Variants in TUBD1 observed in about 807,000 individuals in gnomAD.
TUBD1 encodes the protein tubulin delta 1, also known as tubulin delta chain.
A neutral mutation model predicts 51.2 loss-of-function variants in TUBD1; 38 were observed. That is an observed-to-expected ratio of 0.74 (90% confidence interval 0.57 to 0.97). The LOEUF (loss-of-function observed/expected upper bound fraction) is 0.97, where lower values mean the gene tolerates loss of function less well. TUBD1 is among the 50% of genes least tolerant of loss of function. The pLI, the probability that TUBD1 is intolerant of heterozygous loss-of-function variation, is 0.00. For synonymous variants in TUBD1, 169 were observed against 178.2 expected (o/e 0.95, Z 0.41); for missense variants, 489 against 538.4 (o/e 0.91, Z 0.91).
intron 7 of TUBD1, 148 bp downstream of exon 7, chr17:59,866,461 A>T: frequency 2.3e-6 from 2 of 873,128 alleles, no homozygotes; most frequent in Non-Finnish European, 3.5e-6. Context: ...TCACATACTA[A>T]CTGATGCCAT....
In TUBD1 at chr17:59,877,323, C is replaced by G. The variant is rs568523830; in HGVS notation, c.769+780G>C. Among the ~76,000 whole-genome samples the G allele has an allele frequency of 7.9e-5, 12 of 152,350 alleles. No individual in the cohort carries two copies. The South Asian group carries it at 2.5e-3, about 32-fold the overall frequency. On this transcript the variant is annotated intron_variant, in intron 5 of 8. Transcript: ENST00000325752. Reference sequence around the variant, plus strand: ...GGAAAGTCATGCCACATGGCAGACTCGGACCTCTTTGAATTCCCAATCACC... The same window carrying G: ...GGAAAGTCATGCCACATGGCAGACTGGGACCTCTTTGAATTCCCAATCACC...
rs530315478 is a variant in TUBD1, at chr17:59,870,372, CAAAAAAAAAAAAAAAAAA to C, written c.935-3641_935-3624del. Among the ~76,000 whole-genome samples, 258 of 77,988 alleles carry C rather than the reference CAAAAAAAAAAAAAAAAAA, an allele frequency of 3.3e-3. 1 individual carries two copies. Among genetic ancestry groups the C allele is most frequent in the Non-Finnish European group, 5.2e-3 (202 of 39,100 alleles). The allele number at this position is 77,988 out of a possible 152,430, so 51.2% of individuals were successfully genotyped here. On this transcript the variant is annotated intron_variant, in intron 6 of 8. Coordinates refer to ENST00000325752, the MANE Select transcript of TUBD1 (RefSeq NM_016261.4). ...GGCGACAGAGTGTGACTCCATCTCA[CAAAAAAAAAAAAAAAAAA>C]AAAAAAAAAAAAAAAAATCAAAGTG...
At chr17:59,891,792 CT>C (rs1215953455) in intron 1 of TUBD1, 1 of 151,928 alleles carries the variant, frequency 6.6e-6, no homozygotes, top group African/African-American at 2.4e-5. Flanking sequence ...TGGCAAAACC[CT>C]GTTTGTACAA....
Position 59,886,214 on chromosome 17 carries a change from A to G in TUBD1, c.189T>C (p.Ala63=). Reference sequence around the variant, plus strand: ...CTTTGGGTTCCATGTCAACAAGAACAGCCCGGGCAATTGGAACTAGAGGGG... The same window carrying G: ...CTTTGGGTTCCATGTCAACAAGAACGGCCCGGGCAATTGGAACTAGAGGGG... ...EEENGVPIAR[A]VLVDMEPKVI... Residue 63 remains alanine, a synonymous_variant, in exon 3 of 9, where the codon GCT becomes GCC. Coordinates refer to ENST00000325752, the MANE Select transcript of TUBD1 (RefSeq NM_016261.4). 1.2e-6 allele frequency: 2 copies of G among 1,612,322 alleles called. No homozygotes were observed. The highest frequency in any genetic ancestry group is 8.5e-7 in the Non-Finnish European group (1 of 1,179,566).
At position 59,885,626 on chromosome 17, in the gene TUBD1, T is replaced by A. The variant is rs913647139; in HGVS notation, c.320+457A>T. The stretch of plus-strand genomic sequence containing the variant: ...TCCTAGAAATTTAACCTTAATGAAA[T>A]CCCTAATAAAACTCAGTGCTGTGGT... On this transcript the variant is annotated intron_variant, in intron 3 of 8. Transcript: ENST00000325752. 44 of 820,744 alleles carry A rather than the reference T, an allele frequency of 5.4e-5. No homozygotes were observed. The Middle Eastern group carries it at 1.1e-3, about 21-fold the overall frequency. 50.8% of individuals were successfully genotyped at this position (820,744 alleles called of 1,614,324 possible). A position where few individuals can be genotyped will look rare whatever the true frequency, so the allele number is the denominator to read the frequency against.
intron 8 of TUBD1, among the ~76,000 whole-genome samples, chr17:59,861,912 C>T (rs1487355200): frequency 1.3e-5 from 2 of 151,366 alleles, no homozygotes; most frequent in Non-Finnish European, 2.9e-5. Context: ...GTGATTCGCC[C>T]ACCTTGGCCT....
In TUBD1 at chr17:59,874,563, T is replaced by C. The variant is rs768769299; in HGVS notation, c.910A>G (p.Ile304Val). ...CCTTCTTCCATCTTTGCATTAGAAA[T>C]GAGCATCTGTCTCAAATGCTTGAGG... ...GLLKHLRQML[I>V]SNAKMEEGID... is the part of the protein sequence containing the mutation. The change falls in exon 6 of 9, where the codon ATT becomes GTT. Residue 304 changes from isoleucine (I) to valine (V), a missense_variant. Transcript: ENST00000325752. The C allele has an allele frequency of 1.2e-6, 2 of 1,611,168 alleles. No individual in the cohort carries two copies. The highest frequency in any genetic ancestry group is 1.3e-5 in the African/African-American group (1 of 74,764).
intron 4 of TUBD1, among the ~76,000 whole-genome samples, 185 bp downstream of exon 4, chr17:59,880,709 T>A (rs1598553604): frequency 6.6e-6 from 1 of 151,654 alleles, no homozygotes; most frequent in South Asian, 2.1e-4. Flanking sequence ...AGAGACGGGG[T>A]TTCACCATGT....
At chr17:59,881,156 C>T in intron 3 of TUBD1, 46 bp from the exon 4 acceptor site, 1 of 1,437,260 alleles carries the variant, frequency 7.0e-7, no homozygotes, top group South Asian at 1.2e-5. Context: ...TTCAATTTAA[C>T]CACAGATATG....
At chr17:59,890,800 A>G (rs1375535381) in intron 2 of TUBD1, 31 bp downstream of exon 2, 2 of 1,575,092 alleles carry the variant, frequency 1.3e-6, no homozygotes, top group Non-Finnish European at 1.7e-6. Flanking sequence ...GTTAGATCAG[A>G]GTAAAGGAGA....
intron 8 of TUBD1, among the ~76,000 whole-genome samples, chr17:59,860,647 CAT>C (rs2039399509): frequency 6.6e-6 from 1 of 151,416 alleles, no homozygotes; most frequent in Admixed American, 6.6e-5. Flanking sequence ...AGTGCAGTGG[CAT>C]GATCTCGGCT....
intron 7 of TUBD1, among the ~76,000 whole-genome samples, chr17:59,865,108 T>A (rs942168492): frequency 6.6e-6 from 1 of 151,012 alleles, no homozygotes; most frequent in Non-Finnish European, 1.5e-5. Flanking sequence ...TCCTCCTGAC[T>A]TAGCCTGCCA....
At chr17:59,880,803 C>T (rs973592097) in intron 4 of TUBD1, 91 bp downstream of exon 4, 6 of 1,269,032 alleles carry the variant, frequency 4.7e-6, no homozygotes, top group South Asian at 2.7e-5. Flanking sequence ...CATAAGCCAC[C>T]GCACCTGGGT....
At chr17:59,863,561 G>A (rs2039560043) in intron 8 of TUBD1, 103 bp downstream of exon 8, 2 of 946,914 alleles carry the variant, frequency 2.1e-6, no homozygotes, top group African/African-American at 1.7e-5. Flanking sequence ...GTGAGCCAGT[G>A]AGCCAAGATC....
rs113898642 is a variant in TUBD1, at chr17:59,887,114, A to T, written c.173-884T>A. ...GGCAGGAGAATTGCTTGATCCCGGG[A>T]GGTGGAGGTTGCAGTGAGCCAAGAT... On this transcript the variant is annotated intron_variant, in intron 2 of 8. Transcript: ENST00000325752. 8.4e-3 allele frequency among the ~76,000 whole-genome samples: 1,284 copies of T among 152,228 alleles called. 21 individuals carry two copies. Among genetic ancestry groups the T allele is most frequent in the African/African-American group, 0.029 (1,199 of 41,546 alleles).
In TUBD1 at chr17:59,878,149, A is replaced by G; in HGVS notation, c.723T>C (p.Pro241=). The change falls in exon 5 of 9, where the codon CCT becomes CCC. Residue 241 remains proline, a synonymous_variant. Coordinates refer to ENST00000325752, the MANE Select transcript of TUBD1 (RefSeq NM_016261.4). ...GAAATGAGCTTTCTGCAGAATAAGT[A>G]GGCTGGAACACACTTCCCAGCTGAT... ...LAHQLGSVFQ[P]TYSAESSFHY... is the part of the protein sequence containing the mutation. 6.2e-7 allele frequency: 1 copy of G among 1,614,176 alleles called. No individual in the cohort carries two copies. The highest frequency in any genetic ancestry group is 8.5e-7 in the Non-Finnish European group (1 of 1,180,034).
intron 7 of TUBD1, among the ~76,000 whole-genome samples, chr17:59,864,260 C>G (rs2039598860): frequency 6.6e-6 from 1 of 151,760 alleles, no homozygotes; most frequent in Non-Finnish European, 1.5e-5. Context: ...ATCCTCCCAC[C>G]TTAGCCTCCT....
chr17:59,871,107 G>A (rs1019657760), intron 6 of TUBD1, among the ~76,000 whole-genome samples: 1 of 152,200 alleles, frequency 6.6e-6, no homozygotes, highest in Non-Finnish European at 1.5e-5. Flanking sequence ...CAATGGCTTC[G>A]AAATACTCAG....
chr17:59,860,444 A>C lies in TUBD1; in HGVS notation c.1260-20T>G, dbSNP rs142311625. 2,075 of 1,479,138 alleles carry C rather than the reference A, an allele frequency of 1.4e-3. 9 individuals carry two copies. In the African/African-American group the frequency reaches 0.017, roughly 12 times the overall value. 91.6% of individuals were successfully genotyped at this position (1,479,138 alleles called of 1,614,324 possible). A position where few individuals can be genotyped will look rare whatever the true frequency, so the allele number is the denominator to read the frequency against. ...TAGGCTCTGGTAGAAAAAAAAAAAA[A>C]ACAGAAATTACAAAATAAAAAATGT... On this transcript the variant is annotated intron_variant, in intron 8 of 8. Coordinates refer to ENST00000325752, the MANE Select transcript of TUBD1 (RefSeq NM_016261.4).
Sources: allele counts gnomAD v4.1 joint callset (sites outside exome capture counted in the v4.1 genomes callset), GRCh38; gene constraint gnomAD v4.1.1; transcripts MANE v1.5; gene names NCBI Gene and HGNC (gene_info 2026-07-23, HGNC 2026-07-21).